Variants in MACROD2 observed in about 807,000 individuals in gnomAD.
MACROD2 encodes ADP-ribose glycohydrolase MACROD2.
In MACROD2, 36 loss-of-function variants were observed where a neutral mutation model predicts 70.4. The observed-to-expected ratio is 0.51, with a 90% CI of 0.39 to 0.68. MACROD2 has a LOEUF of 0.68. Among genes scored for constraint, MACROD2 ranks in the 30% least tolerant of loss-of-function variants. MACROD2 has a pLI of 0.00. For missense variants in MACROD2, 496 were observed against 538.4 expected (o/e 0.92, Z 0.78); for synonymous variants, 172 against 178.8 (o/e 0.96, Z 0.30).
intron 6 of MACROD2, among the ~76,000 whole-genome samples, chr20:15,267,638 T>C (rs2077307594): frequency 6.6e-6 from 1 of 152,148 alleles, no homozygotes; most frequent in Non-Finnish European, 1.5e-5. Context: ...ACTCTCCTCA[T>C]CTCCCCTCAA....
At chr20:15,302,566 T>C (rs2077657581) in intron 6 of MACROD2, among the ~76,000 whole-genome samples, 2 of 152,248 alleles carry the variant, frequency 1.3e-5, no homozygotes, top group Admixed American at 6.5e-5. Flanking sequence ...CAACCATTCC[T>C]CTGTTGATGG....
chr20:15,677,463 G>A (rs1266449604), intron 8 of MACROD2, among the ~76,000 whole-genome samples: 1 of 152,108 alleles, frequency 6.6e-6, no homozygotes, highest in Non-Finnish European at 1.5e-5. Context: ...TCCCCATGAA[G>A]GCAGGTCCAG....
intron 7 of MACROD2, among the ~76,000 whole-genome samples, chr20:15,471,245 C>T (rs1372847611): frequency 2.6e-5 from 4 of 152,182 alleles, no homozygotes; most frequent in Admixed American, 6.5e-5. Flanking sequence ...TGTTGCTTCT[C>T]AGCTGGGCCC....
chr20:14,218,628 C>T (rs1319483083), intron 3 of MACROD2, among the ~76,000 whole-genome samples: 1 of 151,880 alleles, frequency 6.6e-6, no homozygotes, highest in African/African-American at 2.4e-5. Context: ...TTTTATAGGT[C>T]CTGTGTGATT....
intron 8 of MACROD2, among the ~76,000 whole-genome samples, chr20:15,802,473 G>A (rs2063734706): frequency 6.6e-6 from 1 of 152,078 alleles, no homozygotes; most frequent in Admixed American, 6.5e-5. Flanking sequence ...CCTTCATTCT[G>A]TTGATGTGCT....
At chr20:15,301,591 C>CTTTTTTTTTTTTTTTTTTTTTTTTTTTTT (rs71340214) in intron 6 of MACROD2, among the ~76,000 whole-genome samples, 18 of 81,250 alleles carry the variant, frequency 2.2e-4, no homozygotes, top group Non-Finnish European at 2.9e-4. Context: ...GGTAGGTGGC[C>CTTTTTTTTTTTTTTTTTTTTTTTTTTTTT]TTTTTTTTTT....
chr20:14,811,152 G>A (rs374809031), intron 5 of MACROD2, among the ~76,000 whole-genome samples: 19 of 152,010 alleles, frequency 1.2e-4, no homozygotes, highest in African/African-American at 2.2e-4. Context: ...CAAAAAGAAC[G>A]AAGCTGGTGG....
intron 9 of MACROD2, among the ~76,000 whole-genome samples, chr20:15,868,335 C>G (rs1051907996): frequency 5.9e-5 from 9 of 152,180 alleles, no homozygotes; most frequent in African/African-American, 2.2e-4. Flanking sequence ...ATTTCTATAT[C>G]TTGACCTTTG....
At chr20:14,563,569 T>C (rs764855093) in intron 4 of MACROD2, among the ~76,000 whole-genome samples, 1 of 151,912 alleles carries the variant, frequency 6.6e-6, no homozygotes, top group Non-Finnish European at 1.5e-5. Context: ...TTGAGATAAT[T>C]GTTGGTTCAT....
At chr20:14,679,284 A>C (rs777124386) in intron 4 of MACROD2, among the ~76,000 whole-genome samples, 7 of 152,192 alleles carry the variant, frequency 4.6e-5, no homozygotes, top group Admixed American at 2.0e-4. Flanking sequence ...AAATTGAAAA[A>C]TGGGAAAGAC....
chr20:14,658,403 A>G (rs975803124), intron 4 of MACROD2, among the ~76,000 whole-genome samples: 5 of 152,180 alleles, frequency 3.3e-5, no homozygotes, highest in African/African-American at 1.2e-4. Flanking sequence ...AGAAGAGAGA[A>G]ATATTTCTTT....
At chr20:15,844,937 G>A (rs566703914) in intron 8 of MACROD2, among the ~76,000 whole-genome samples, 3 of 152,012 alleles carry the variant, frequency 2.0e-5, no homozygotes, top group Admixed American at 6.6e-5. Context: ...TTGCAAGAAG[G>A]TTATTTTATG....
intron 8 of MACROD2, among the ~76,000 whole-genome samples, chr20:15,543,340 A>C (rs1233727): frequency 0.24 from 35,869 of 152,076 alleles, 6,013 homozygotes; most frequent in African/African-American, 0.46. Context: ...AATATTAAGG[A>C]TACAGTTGTA....
chr20:14,055,035 A>C (rs2053615935), intron 2 of MACROD2, among the ~76,000 whole-genome samples: 1 of 152,194 alleles, frequency 6.6e-6, no homozygotes, highest in African/African-American at 2.4e-5. Context: ...GATTATTTTC[A>C]AACTGAGAAG....
At chr20:15,958,441 C>T (rs1184748384) in intron 12 of MACROD2, among the ~76,000 whole-genome samples, 1 of 152,142 alleles carries the variant, frequency 6.6e-6, no homozygotes. Context: ...CCGTGCTATA[C>T]AAACACTGAC....
chr20:15,190,052 A>G (rs999127158), intron 5 of MACROD2, among the ~76,000 whole-genome samples: 1 of 152,096 alleles, frequency 6.6e-6, no homozygotes, highest in African/African-American at 2.4e-5. Context: ...TTTCTCTTCA[A>G]CTTGTTTTGA....
chr20:15,534,133 A>G (rs1049623001), intron 8 of MACROD2, among the ~76,000 whole-genome samples: 1 of 152,226 alleles, frequency 6.6e-6, no homozygotes, highest in Non-Finnish European at 1.5e-5. Context: ...GATGCATTAT[A>G]CCATGCTGAT....
intron 5 of MACROD2, among the ~76,000 whole-genome samples, chr20:15,174,827 G>C (rs1222676171): frequency 6.6e-6 from 1 of 151,992 alleles, no homozygotes; most frequent in Non-Finnish European, 1.5e-5. Context: ...CTGTTCATGT[G>C]CTTTGCCCAC....
chr20:15,799,946 CT>C (rs1421094763), intron 8 of MACROD2, among the ~76,000 whole-genome samples: 2 of 151,458 alleles, frequency 1.3e-5, no homozygotes, highest in South Asian at 4.2e-4. Flanking sequence ...TTTTCTTTTT[CT>C]TTTTTTCGTC....
Sources: allele counts gnomAD v4.1 joint callset (sites outside exome capture counted in the v4.1 genomes callset), GRCh38; gene constraint gnomAD v4.1.1; transcripts MANE v1.5; gene names NCBI Gene and HGNC (gene_info 2026-07-23, HGNC 2026-07-21).